Variants in PLEKHG1 observed in about 807,000 individuals in gnomAD.
PLEKHG1 encodes pleckstrin homology domain-containing family G member 1.
A neutral mutation model predicts 100.8 loss-of-function variants in PLEKHG1; 44 were observed. That is an observed-to-expected ratio of 0.44 (90% CI 0.34 to 0.56). The LOEUF is 0.56. Ranked by LOEUF, PLEKHG1 falls within the 20% of genes least tolerant of loss-of-function variation. PLEKHG1 has a pLI of 0.01. For missense variants in PLEKHG1, 1,545 were observed against 1,720.9 expected (o/e 0.90, Z 1.81); for synonymous variants, 640 against 662.5 (o/e 0.97, Z 0.52).
intron 2 of PLEKHG1, among the ~76,000 whole-genome samples, chr6:150,763,531 C>G (rs770175603): frequency 3.3e-5 from 5 of 152,204 alleles, no homozygotes; most frequent in Non-Finnish European, 7.3e-5. Flanking sequence ...CACAAACCCC[C>G]AGAGATGCCT....
intron 1 of PLEKHG1, among the ~76,000 whole-genome samples, chr6:150,624,173 A>G (rs1401843057): frequency 6.6e-6 from 1 of 152,014 alleles, no homozygotes; most frequent in Non-Finnish European, 1.5e-5. Context: ...TAAGACCCTA[A>G]CCTCCTGTTC....
At chr6:150,680,300 T>C (rs1453620089) in intron 3 of PLEKHG1, among the ~76,000 whole-genome samples, 2 of 152,114 alleles carry the variant, frequency 1.3e-5, no homozygotes, top group African/African-American at 4.8e-5. Context: ...TTTGAATATG[T>C]GGAGTGATGG....
intron 3 of PLEKHG1, among the ~76,000 whole-genome samples, chr6:150,694,851 CTG>C (rs1169975166): frequency 6.6e-6 from 1 of 152,254 alleles, no homozygotes; most frequent in African/African-American, 2.4e-5. Flanking sequence ...TTCCTAGTAA[CTG>C]GAGCTGTAGT....
chr6:150,694,035 GA>G (rs773203923), intron 3 of PLEKHG1, among the ~76,000 whole-genome samples: 154 of 152,326 alleles, frequency 1.0e-3, no homozygotes, highest in Non-Finnish European at 1.9e-3. Flanking sequence ...GTTTACATGG[GA>G]GGCTTTGAAT....
chr6:150,816,809 C>T (rs1472840793), intron 10 of PLEKHG1, among the ~76,000 whole-genome samples: 4 of 152,158 alleles, frequency 2.6e-5, no homozygotes, highest in African/African-American at 4.8e-5. Context: ...TCTCTGCTAA[C>T]GTTAATCTGC....
In PLEKHG1 at chr6:150,691,575, AAAAG is replaced by A. The variant is rs551008604; in HGVS notation, c.-99+40794_-99+40797del. ...TGTAGAGCTGTACACCCTGTAGTCGAAAAGAAAGCCCTTCCTTCCTCATTTCTTA... is the reference window on the plus strand; with the variant it reads ...TGTAGAGCTGTACACCCTGTAGTCGAAAAGCCCTTCCTTCCTCATTTCTTA... On this transcript the variant is annotated intron_variant, in intron 3 of 3. Transcript: ENST00000367326. 2.2e-4 allele frequency among the ~76,000 whole-genome samples: 34 copies of A among 152,352 alleles called. No individual in the cohort carries two copies. The South Asian group carries it at 6.6e-3, about 30-fold the overall frequency.
chr6:150,617,857 G>GT (rs1562386310), intron 1 of PLEKHG1, among the ~76,000 whole-genome samples: 1 of 152,208 alleles, frequency 6.6e-6, no homozygotes, highest in African/African-American at 2.4e-5. Context: ...GGCCTGGGGT[G>GT]TGGGAACAGG....
At chr6:150,665,585 G>A (rs758210735) in intron 3 of PLEKHG1, among the ~76,000 whole-genome samples, 2 of 151,748 alleles carry the variant, frequency 1.3e-5, no homozygotes, top group Non-Finnish European at 1.5e-5. Flanking sequence ...ATCCAAGATC[G>A]TACCACTGCA....
intron 3 of PLEKHG1, among the ~76,000 whole-genome samples, chr6:150,772,890 G>A (rs1363341894): frequency 6.6e-6 from 1 of 152,040 alleles, no homozygotes; most frequent in Non-Finnish European, 1.5e-5. Flanking sequence ...TCTTATTGTT[G>A]TATAGGAGTT....
At chr6:150,607,539 T>C (rs1776653553) in intron 1 of PLEKHG1, among the ~76,000 whole-genome samples, 1 of 152,164 alleles carries the variant, frequency 6.6e-6, no homozygotes, top group Non-Finnish European at 1.5e-5. Flanking sequence ...CTGAAACAGC[T>C]TACAGTTTCA....
intron 2 of PLEKHG1, among the ~76,000 whole-genome samples, chr6:150,744,515 A>G (rs1049869626): frequency 1.3e-5 from 2 of 152,222 alleles, no homozygotes; most frequent in Non-Finnish European, 2.9e-5. Flanking sequence ...GCACTCCCCA[A>G]ATCAACCCAC....
At chr6:150,805,081 A>G (rs941027272) in intron 7 of PLEKHG1, among the ~76,000 whole-genome samples, 2 of 151,960 alleles carry the variant, frequency 1.3e-5, no homozygotes, top group Non-Finnish European at 2.9e-5. Flanking sequence ...GATTACAGGC[A>G]TGTGCCACCA....
chr6:150,831,750 T>C lies in PLEKHG1; in HGVS notation c.2639T>C (p.Leu880Pro), dbSNP rs1218381779. 1 of 1,613,594 alleles carries C rather than the reference T, an allele frequency of 6.2e-7. No individual in the cohort carries two copies. Among genetic ancestry groups the C allele is most frequent in the Non-Finnish European group, 8.5e-7 (1 of 1,180,018 alleles). The change falls in exon 15 of 16, where the codon CTG (leucine) becomes CCG (proline). Residue 880 changes from leucine to proline, a missense_variant. Coordinates refer to ENST00000358517, the Ensembl canonical transcript of PLEKHG1. The surrounding 1 kb of genome is among the most constrained non-coding windows in gnomAD (Gnocchi z 4.1). ...CTGCACGCAGAGAGCACCCCTGAGCTGAGCCGGGACGTGGGGCGCTCTGTG... is the reference window on the plus strand; with the variant it reads ...CTGCACGCAGAGAGCACCCCTGAGCCGAGCCGGGACGTGGGGCGCTCTGTG...
chr6:150,614,648 C>T (rs2128554651), intron 1 of PLEKHG1, among the ~76,000 whole-genome samples: 1 of 152,154 alleles, frequency 6.6e-6, no homozygotes, highest in East Asian at 1.9e-4. Context: ...CTCCCCAGGC[C>T]TCCCAGACCC....
At chr6:150,612,048 C>CT (rs1554251556) in intron 1 of PLEKHG1, among the ~76,000 whole-genome samples, 2 of 63,238 alleles carry the variant, frequency 3.2e-5, no homozygotes, top group Non-Finnish European at 7.7e-5. Flanking sequence ...GTGTTGTTCC[C>CT]CCCCCCCCCC....
Position 150,806,037 on chromosome 6 carries a change from T to C in PLEKHG1, c.912+1296T>C, listed in dbSNP as rs116606628. 4.5e-3 allele frequency among the ~76,000 whole-genome samples: 690 copies of C among 152,134 alleles called. 4 individuals are homozygous for C. The highest frequency in any genetic ancestry group is 0.016 in the African/African-American group (658 of 41,486). ...GCTCCTGGCTGTCCCTAGAGTGAGA[T>C]GGAAAAGCCCAAAGTGACTCCACAC... is the stretch of plus-strand genomic sequence containing the variant. On this transcript the variant is annotated intron_variant, in intron 7 of 15. Coordinates refer to ENST00000358517, the Ensembl canonical transcript of PLEKHG1.
chr6:150,814,171 T>C, intron 10 of PLEKHG1, among the ~76,000 whole-genome samples: 1 of 152,192 alleles, frequency 6.6e-6, no homozygotes, highest in East Asian at 1.9e-4. Flanking sequence ...TTCTTTATGA[T>C]TAGTCATTTT....
At chr6:150,697,568 G>A (rs1780598546) in intron 3 of PLEKHG1, among the ~76,000 whole-genome samples, 1 of 152,180 alleles carries the variant, frequency 6.6e-6, no homozygotes, top group African/African-American at 2.4e-5. Context: ...CTGAGGGCCG[G>A]CCCTGGGAGG....
intron 1 of PLEKHG1, among the ~76,000 whole-genome samples, chr6:150,603,348 C>G (rs376000696): frequency 6.6e-6 from 1 of 152,168 alleles, no homozygotes; most frequent in African/African-American, 2.4e-5. Flanking sequence ...TTCAGAGTCA[C>G]GGGCAGTCTG....
Sources: allele counts gnomAD v4.1 joint callset (sites outside exome capture counted in the v4.1 genomes callset), GRCh38; gene constraint gnomAD v4.1.1; non-coding constraint Gnocchi (gnomAD v3.1); transcripts MANE v1.5; gene names NCBI Gene and HGNC (gene_info 2026-07-23, HGNC 2026-07-21).